Variants in WIPI1 observed in about 807,000 individuals in gnomAD.
WIPI1 encodes WD repeat domain phosphoinositide-interacting protein 1.
Under a neutral mutation model 55.3 loss-of-function variants are expected in WIPI1, and 45 were observed. That is an observed-to-expected ratio of 0.81 (90% confidence interval 0.64 to 1.04). WIPI1 has a LOEUF of 1.04. Among genes scored for constraint, WIPI1 ranks in the 50% least tolerant of loss-of-function variants. WIPI1 has a pLI of 0.00. For synonymous variants in WIPI1, 195 were observed against 217.6 expected, an observed-to-expected ratio of 0.90 and a Z score of 0.92; for missense variants, 445 against 559.0, an observed-to-expected ratio of 0.80 and a Z score of 2.06.
chr17:68,434,296 C>A (rs571506185), intron 7 of WIPI1, among the ~76,000 whole-genome samples: 23 of 152,334 alleles, frequency 1.5e-4, no homozygotes, highest in African/African-American at 5.5e-4. Context: ...CTGGCTCTCT[C>A]ATTTCTCCTG....
chr17:68,421,737 A>AG lies in WIPI1; in HGVS notation c.*35dup. On this transcript the variant is annotated 3_prime_UTR_variant, in exon 13 of 13. Transcript: ENST00000262139. ...CTTGTTTTCTCCAAAACCACCTGAT[A>AG]GGGGGGATGTCCTGATTTCTGAGGT... 1.9e-6 allele frequency: 3 copies of AG among 1,611,626 alleles called. No individual in the cohort carries two copies. The highest frequency in any genetic ancestry group is 1.7e-6 in the Non-Finnish European group (2 of 1,179,394).
Position 68,457,377 on chromosome 17 carries a change from C to A in WIPI1, c.45G>T (p.Ser15=), listed in dbSNP as rs372699386. The change falls in exon 1 of 13, where the codon TCG becomes TCT. Residue 15 remains serine (S), a synonymous_variant. Coordinates refer to ENST00000262139, the MANE Select transcript of WIPI1 (RefSeq NM_017983.7). ...AADAPPGGVE[S]ALSCFSFNQD... ...GGTTGAAAGAGAAGCAGCTGAGCGC[C>A]GACTCAACCCCGCCCGGGGGAGCGT... 467 of 1,540,262 alleles carry A rather than the reference C, an allele frequency of 3.0e-4. 2 individuals carry two copies. Among genetic ancestry groups the A allele is most frequent in the South Asian group, 2.8e-3 (231 of 83,220 alleles).
chr17:68,441,061 G>A (rs574018630), intron 4 of WIPI1: 10 of 152,292 alleles, frequency 6.6e-5, no homozygotes, highest in African/African-American at 1.7e-4. Context: ...GGTATGGAAC[G>A]CTCCCTCAAT....
chr17:68,427,318 CA>C, intron 10 of WIPI1, 65 bp from the exon 11 acceptor site: 1 of 1,249,118 alleles, frequency 8.0e-7, no homozygotes, highest in Non-Finnish European at 1.2e-6. Context: ...GGACACCTTC[CA>C]AAGGAAAAGC....
At chr17:68,447,854 G>A (rs11653689) in intron 3 of WIPI1, among the ~76,000 whole-genome samples, 6,145 of 151,912 alleles carry the variant, frequency 0.04, 207 homozygotes, top group Non-Finnish European at 0.058. Context: ...TTAGCCGGGC[G>A]TGGTGGCAGG....
At chr17:68,444,397 C>T in intron 4 of WIPI1, 96 bp downstream of exon 4, 3 of 1,121,838 alleles carry the variant, frequency 2.7e-6, no homozygotes, top group Non-Finnish European at 4.0e-6. Flanking sequence ...AAAGCAAACA[C>T]TGCTTCACGT....
chr17:68,454,810 G>A (rs1241481192), intron 1 of WIPI1, among the ~76,000 whole-genome samples: 1 of 152,206 alleles, frequency 6.6e-6, no homozygotes, highest in African/African-American at 2.4e-5. Flanking sequence ...TTAATGCAAA[G>A]TGACAGCAAT....
intron 9 of WIPI1, among the ~76,000 whole-genome samples, 155 bp downstream of exon 9, chr17:68,429,841 G>A (rs2083430990): frequency 6.6e-6 from 1 of 152,094 alleles, no homozygotes; most frequent in Non-Finnish European, 1.5e-5. Flanking sequence ...TGCCTGCCTT[G>A]GCCTCCCAAG....
At chr17:68,452,608 G>A (rs1319688721) in intron 2 of WIPI1, among the ~76,000 whole-genome samples, 1 of 152,136 alleles carries the variant, frequency 6.6e-6, no homozygotes, top group Non-Finnish European at 1.5e-5. Flanking sequence ...CTTTAGGTTT[G>A]ACAGTTATAA....
At chr17:68,455,414 G>A (rs931155741) in intron 1 of WIPI1, among the ~76,000 whole-genome samples, 1 of 149,512 alleles carries the variant, frequency 6.7e-6, no homozygotes, top group Non-Finnish European at 1.5e-5. Flanking sequence ...TACCAATCAC[G>A]AAGTATGAGC....
chr17:68,437,275 C>G (rs2083856461), intron 4 of WIPI1, among the ~76,000 whole-genome samples: 1 of 152,036 alleles, frequency 6.6e-6, no homozygotes, highest in African/African-American at 2.4e-5. Context: ...AAATTTCAGG[C>G]CAGGCAAGGT....
rs898293839 is a variant in WIPI1, at chr17:68,457,496, C to T, written c.-75G>A. ...CAGCAGCCCGCCCGCGCCGGCTCCA[C>T]GGGCCGGGTCGCCGGTCCTGCCCCG... On this transcript the variant is annotated 5_prime_UTR_variant, in exon 1 of 13. It adds an upstream start codon to the 5' untranslated region. Coordinates refer to ENST00000262139, the MANE Select transcript of WIPI1 (RefSeq NM_017983.7). 2.4e-6 allele frequency: 3 copies of T among 1,276,080 alleles called. No individual in the cohort carries two copies. Among genetic ancestry groups the T allele is most frequent in the African/African-American group, 3.2e-5 (2 of 62,390 alleles). 79.0% of individuals were successfully genotyped at this position (1,276,080 alleles called of 1,614,324 possible).
intron 3 of WIPI1, among the ~76,000 whole-genome samples, chr17:68,445,989 G>C (rs883620): frequency 0.31 from 47,376 of 151,966 alleles, 7,692 homozygotes; most frequent in Middle Eastern, 0.44. Context: ...AGAACCACTG[G>C]TCTCAGCCAG....
Position 68,427,203 on chromosome 17 carries a change from G to A in WIPI1, c.1124C>T (p.Pro375Leu). 1 of 1,614,152 alleles carries A rather than the reference G, an allele frequency of 6.2e-7. No homozygotes were observed. The highest frequency in any genetic ancestry group is 8.5e-7 in the Non-Finnish European group (1 of 1,180,032). ...CGCTGCATAAGACTGAGGTAAGGAA[G>A]GTCTGAGGTCATTTTCTTTATTCTC... The part of the protein sequence containing the change: ...TEENKENDLR[P>L]SLPQSYAATV... The change falls in exon 11 of 13, where the codon CCT (proline) becomes CTT (leucine). Residue 375 changes from proline (P) to leucine (L), a missense_variant. Pro to Leu is a moderately conservative substitution (Grantham distance 98). Coordinates refer to ENST00000262139, the MANE Select transcript of WIPI1 (RefSeq NM_017983.7).
At chr17:68,427,978 C>G (rs904612325) in intron 10 of WIPI1, among the ~76,000 whole-genome samples, 1 of 151,650 alleles carries the variant, frequency 6.6e-6, no homozygotes, top group Non-Finnish European at 1.5e-5. Context: ...CAGTCTTGAC[C>G]TTCCTGGGCT....
chr17:68,442,223 G>A (rs1403419564), intron 4 of WIPI1, among the ~76,000 whole-genome samples: 1 of 152,096 alleles, frequency 6.6e-6, no homozygotes, highest in Non-Finnish European at 1.5e-5. Flanking sequence ...CAGCACTTTG[G>A]GAGGCCAAGG....
Position 68,457,348 on chromosome 17 carries a change from T to G in WIPI1, c.74A>C (p.Asp25Ala). ...SALSCFSFNQDCTSLATGTKA... is the reference protein window; with the variant it reads ...SALSCFSFNQACTSLATGTKA... ...GGGCCGAGTCGCAGCTTACGTGCAG[T>G]CCTGGTTGAAAGAGAAGCAGCTGAG... The change falls in exon 1 of 13, where the codon GAC (aspartate) becomes GCC (alanine). Residue 25 changes from aspartate (D) to alanine (A), a missense_variant. By Grantham distance (126) the Asp-to-Ala change is moderately radical. Transcript: ENST00000262139. 1 of 1,545,198 alleles carries G rather than the reference T, an allele frequency of 6.5e-7. No homozygotes were observed. Among genetic ancestry groups the G allele is most frequent in the Non-Finnish European group, 8.7e-7 (1 of 1,145,412 alleles).
Position 68,426,158 on chromosome 17 carries a change from C to T in WIPI1, c.1210G>A (p.Gly404Arg), listed in dbSNP as rs552204063. ...STVPGYSEDG[G>R]ALRGEVIPEH... ...GGAATAACTTCTCCTCGCAGCGCCC[C>T]GCCGTCCTCAGAATAACCTGGAAAC... Residue 404 changes from glycine (G) to arginine (R), a missense_variant, in exon 12 of 13, where the codon GGG (glycine) becomes AGG (arginine). Gly to Arg is a moderately radical substitution (Grantham distance 125, BLOSUM62 -2). Transcript: ENST00000262139. 6.0e-5 allele frequency: 96 copies of T among 1,610,872 alleles called. No homozygotes were observed. Among genetic ancestry groups the T allele is most frequent in the South Asian group, 1.2e-4 (11 of 90,996 alleles).
rs1211483251 is a variant in WIPI1 at position 68,421,761 on chromosome 17, G to A, written c.*12C>T. The A allele has an allele frequency of 1.2e-6, 2 of 1,614,022 alleles. No homozygotes were observed. Among genetic ancestry groups the A allele is most frequent in the South Asian group, 1.1e-5 (1 of 91,086 alleles). On this transcript the variant is annotated 3_prime_UTR_variant, in exon 13 of 13. Coordinates refer to ENST00000262139, the MANE Select transcript of WIPI1 (RefSeq NM_017983.7). ...TAGGGGGGATGTCCTGATTTCTGAG[G>A]TGTGCTTCTCATCATGACTGCTTCG...
Sources: gnomAD v4.1 joint callset for allele counts (sites outside exome capture counted in the v4.1 genomes callset) on GRCh38, gnomAD v4.1.1 for gene constraint, MANE v1.5 for transcripts, NCBI Gene and HGNC (gene_info 2026-07-23, HGNC 2026-07-21) for gene names.